The following FRAS1 variants were observed in gnomAD, a reference collection of about 807,000 sequenced individuals.
FRAS1 encodes Fraser extracellular matrix complex subunit 1.
Under a neutral mutation model 435.2 loss-of-function variants are expected in FRAS1, and 290 were observed. That is an observed-to-expected ratio of 0.67 (90% confidence interval 0.61 to 0.73). FRAS1 has a LOEUF of 0.73. Ranked by LOEUF, FRAS1 falls within the 30% of genes least tolerant of loss-of-function variation. The pLI, the probability that FRAS1 is intolerant of heterozygous loss-of-function variation, is 0.00. For synonymous variants in FRAS1, 1,800 were observed against 1,851.0 expected, an observed-to-expected ratio of 0.97 and a Z score of 0.71; for missense variants, 4,860 against 5,001.5, an observed-to-expected ratio of 0.97 and a Z score of 0.85.
At chr4:78,450,733 C>T (rs768610583) in intron 45 of FRAS1, among the ~76,000 whole-genome samples, 3 of 152,076 alleles carry the variant, frequency 2.0e-5, no homozygotes, top group Non-Finnish European at 4.4e-5. Context: ...CCCCAAAGAG[C>T]ACAAGTTAAT....
chr4:78,320,025 G>A (rs577020205), intron 18 of FRAS1, among the ~76,000 whole-genome samples: 101 of 152,292 alleles, frequency 6.6e-4, no homozygotes, highest in African/African-American at 2.2e-3. Context: ...CAAAGTGGCC[G>A]GTAAATTATA....
intron 2 of FRAS1, 93 bp downstream of exon 2, chr4:78,066,109 G>A: frequency 1.2e-6 from 1 of 862,592 alleles, no homozygotes; most frequent in Non-Finnish European, 1.9e-6. Context: ...TATCATTGTA[G>A]AATATGTTTA....
chr4:78,323,510 T>C (rs1483840248), intron 18 of FRAS1, among the ~76,000 whole-genome samples: 2 of 152,142 alleles, frequency 1.3e-5, no homozygotes, highest in Admixed American at 1.3e-4. Flanking sequence ...CAAAACAACA[T>C]CAGAAAACAT....
chr4:78,242,316 A>G (rs1419738195), intron 3 of FRAS1, among the ~76,000 whole-genome samples: 2 of 152,104 alleles, frequency 1.3e-5, no homozygotes, highest in Non-Finnish European at 2.9e-5. Context: ...TTACTCTACC[A>G]TGTTGCTTTT....
At chr4:78,407,181 C>A (rs929807719) in intron 30 of FRAS1, among the ~76,000 whole-genome samples, 4 of 152,078 alleles carry the variant, frequency 2.6e-5, no homozygotes, top group African/African-American at 9.7e-5. Context: ...AGAAATTGAA[C>A]CTGTATTACT....
chr4:78,312,630 C>G (rs1729072245), intron 15 of FRAS1, among the ~76,000 whole-genome samples: 1 of 151,622 alleles, frequency 6.6e-6, no homozygotes, highest in African/African-American at 2.4e-5. Context: ...AGTTCGAGAC[C>G]AGGCTGGGCA....
intron 14 of FRAS1, among the ~76,000 whole-genome samples, chr4:78,290,496 A>T (rs1727838609): frequency 6.7e-6 from 1 of 149,278 alleles, no homozygotes; most frequent in African/African-American, 2.5e-5. Flanking sequence ...GCGCTCTGTC[A>T]TCCAGGCTGG....
chr4:78,279,470 T>C (rs545458253), intron 10 of FRAS1, among the ~76,000 whole-genome samples: 1 of 152,068 alleles, frequency 6.6e-6, no homozygotes, highest in African/African-American at 2.4e-5. Flanking sequence ...GCAACCTGGT[T>C]GGTGGGGTTT....
At chr4:78,382,299 A>C (rs58304661) in intron 27 of FRAS1, among the ~76,000 whole-genome samples, 2,163 of 151,968 alleles carry the variant, frequency 0.014, 47 homozygotes, top group African/African-American at 0.049. Flanking sequence ...AAATAAAATA[A>C]TTTTTAAAAA....
chr4:78,448,998 T>C (rs1193194907), intron 44 of FRAS1, among the ~76,000 whole-genome samples: 1 of 152,208 alleles, frequency 6.6e-6, no homozygotes, highest in East Asian at 1.9e-4. Context: ...AAATGTATGG[T>C]ATAATAGTAT....
At chr4:78,110,104 C>T (rs1742623977) in intron 2 of FRAS1, among the ~76,000 whole-genome samples, 1 of 16,826 alleles carries the variant, frequency 5.9e-5, no homozygotes, top group Non-Finnish European at 1.1e-4. Context: ...TAAAAGAGGA[C>T]ACAAACAAAT....
chr4:78,286,616 GA>G (rs1727621472), intron 14 of FRAS1, 77 bp downstream of exon 14: 1 of 1,494,298 alleles, frequency 6.7e-7, no homozygotes, highest in Non-Finnish European at 9.1e-7. Context: ...GTGATCTGGG[GA>G]CACCAGGAGC....
Position 78,337,669 on chromosome 4 carries a change from G to A in FRAS1, c.2279-5G>A, listed in dbSNP as rs1224003481. 4.3e-6 allele frequency: 7 copies of A among 1,610,040 alleles called. No individual in the cohort carries two copies. In the East Asian group the frequency reaches 1.6e-4, roughly 36 times the overall value. On this transcript the variant is annotated splice_polypyrimidine_tract_variant and splice_region_variant and intron_variant, in intron 19 of 73. Coordinates refer to ENST00000512123, the MANE Select transcript of FRAS1 (RefSeq NM_025074.7). Reference sequence around the variant, plus strand: ...TTCCAATCCTGGTTTTCGTCCCCCTGCCAGAGTGTCACCCAACCTGCAGGC... The same window carrying A: ...TTCCAATCCTGGTTTTCGTCCCCCTACCAGAGTGTCACCCAACCTGCAGGC...
At chr4:78,258,798 T>C (rs201091050) in intron 6 of FRAS1, among the ~76,000 whole-genome samples, 44,618 of 138,698 alleles carry the variant, frequency 0.32, 7,347 homozygotes, top group South Asian at 0.56. Flanking sequence ...GCTGGTGCGC[T>C]GCACCCACTA....
At chr4:78,185,034 A>G (rs1237205121) in intron 2 of FRAS1, among the ~76,000 whole-genome samples, 1 of 152,186 alleles carries the variant, frequency 6.6e-6, no homozygotes, top group East Asian at 1.9e-4. Context: ...CCCTTGGGTC[A>G]TAGGCCTAGT....
At chr4:78,209,926 C>T (rs922400692) in intron 2 of FRAS1, among the ~76,000 whole-genome samples, 2 of 152,188 alleles carry the variant, frequency 1.3e-5, no homozygotes, top group African/African-American at 4.8e-5. Context: ...CTCTTTAGCT[C>T]CCTGTGCCAG....
intron 6 of FRAS1, 188 bp from the exon 7 acceptor site, chr4:78,264,837 G>A: frequency 1.5e-6 from 1 of 682,814 alleles, no homozygotes; most frequent in South Asian, 1.5e-5. Context: ...ACTTCTTAAG[G>A]GCACACTGAC....
intron 9 of FRAS1, among the ~76,000 whole-genome samples, chr4:78,274,512 G>T (rs543091515): frequency 6.6e-6 from 1 of 152,052 alleles, no homozygotes; most frequent in Non-Finnish European, 1.5e-5. Flanking sequence ...CTGGTATGTT[G>T]TGTCTTTGTT....
intron 67 of FRAS1, among the ~76,000 whole-genome samples, chr4:78,521,260 A>G (rs1721376828): frequency 6.6e-6 from 1 of 152,134 alleles, no homozygotes; most frequent in Admixed American, 6.6e-5. Flanking sequence ...TGAACCCTGC[A>G]TCTGGGTTAA....
Sources: allele counts gnomAD v4.1 joint callset (sites outside exome capture counted in the v4.1 genomes callset), GRCh38; gene constraint gnomAD v4.1.1; transcripts MANE v1.5; gene names NCBI Gene and HGNC (gene_info 2026-07-23, HGNC 2026-07-21).